SLC35F3: variants seen among roughly 807,000 people sequenced by gnomAD.
The protein encoded by SLC35F3 is putative thiamine transporter SLC35F3.
SLC35F3 carries 25 observed loss-of-function variants against 49.9 expected under a neutral mutation model. That is an observed-to-expected ratio of 0.50 (90% CI 0.37 to 0.70). SLC35F3 has a LOEUF of 0.70. Among genes scored for constraint, SLC35F3 ranks in the 30% least tolerant of loss-of-function variants. The pLI is 0.00. For synonymous variants in SLC35F3, 275 were observed against 265.4 expected, an observed-to-expected ratio of 1.04 and a Z score of -0.35; for missense variants, 525 against 639.8, an observed-to-expected ratio of 0.82 and a Z score of 1.94.
At chr1:234,017,465 G>C (rs1663820152) in intron 2 of SLC35F3, among the ~76,000 whole-genome samples, 2 of 152,014 alleles carry the variant, frequency 1.3e-5, no homozygotes, top group African/African-American at 4.8e-5. Context: ...TGTAGTCCCA[G>C]CACTTTGGGA....
chr1:234,202,507 A>G (rs1256520236), intron 2 of SLC35F3, among the ~76,000 whole-genome samples: 3 of 152,252 alleles, frequency 2.0e-5, no homozygotes, highest in Admixed American at 6.5e-5. Context: ...CACCATATCT[A>G]AATAATAATT....
chr1:233,982,994 C>T (rs554869023), intron 2 of SLC35F3, among the ~76,000 whole-genome samples: 4 of 152,266 alleles, frequency 2.6e-5, no homozygotes, highest in East Asian at 1.9e-4. Flanking sequence ...GGAGCAGGCG[C>T]GTGCCAGGTG....
chr1:234,134,183 C>T (rs1374206435), intron 2 of SLC35F3, among the ~76,000 whole-genome samples: 1 of 151,642 alleles, frequency 6.6e-6, no homozygotes, highest in Non-Finnish European at 1.5e-5. Flanking sequence ...ATTGTAGGCA[C>T]TGAAGATGTA....
intron 4 of SLC35F3, 120 bp downstream of exon 4, chr1:234,309,440 T>A: frequency 1.2e-6 from 1 of 840,782 alleles, no homozygotes; most frequent in Non-Finnish European, 1.8e-6. Context: ...ACTTTCCTTC[T>A]GATTTGCAGC....
At chr1:233,959,198 T>C (rs1459904011) in intron 2 of SLC35F3, among the ~76,000 whole-genome samples, 4 of 152,200 alleles carry the variant, frequency 2.6e-5, no homozygotes, top group Admixed American at 1.3e-4. Flanking sequence ...ACGTATAAAG[T>C]AGCGTACAGT....
At chr1:233,974,253 C>T (rs998006046) in intron 2 of SLC35F3, among the ~76,000 whole-genome samples, 1 of 137,218 alleles carries the variant, frequency 7.3e-6, no homozygotes, top group African/African-American at 2.8e-5. Context: ...GGCACAATCT[C>T]GGCTCACTGC....
intron 2 of SLC35F3, among the ~76,000 whole-genome samples, chr1:234,150,866 G>C (rs2102908396): frequency 6.6e-6 from 1 of 152,302 alleles, no homozygotes; most frequent in South Asian, 2.1e-4. Flanking sequence ...AAGCAATGAT[G>C]GACCCAGTGT....
At chr1:234,080,564 G>A (rs1243152802) in intron 2 of SLC35F3, among the ~76,000 whole-genome samples, 1 of 152,132 alleles carries the variant, frequency 6.6e-6, no homozygotes, top group Admixed American at 6.5e-5. Context: ...ATGAAGTGCT[G>A]ATGAATGCTT....
chr1:234,117,528 G>T (rs192547507), intron 2 of SLC35F3, among the ~76,000 whole-genome samples: 4 of 151,360 alleles, frequency 2.6e-5, no homozygotes, highest in Admixed American at 2.0e-4. Flanking sequence ...GGAGATGGAG[G>T]TTGCAGTGAG....
intron 2 of SLC35F3, among the ~76,000 whole-genome samples, chr1:234,177,852 T>A (rs1029932700): frequency 3.3e-5 from 5 of 152,230 alleles, no homozygotes; most frequent in African/African-American, 7.2e-5. Context: ...CAATTTGATC[T>A]TAGATAGTAC....
At chr1:234,149,187 C>G (rs1036905817) in intron 2 of SLC35F3, among the ~76,000 whole-genome samples, 9 of 152,144 alleles carry the variant, frequency 5.9e-5, no homozygotes, top group Admixed American at 6.5e-5. Context: ...GGTTCCCTCT[C>G]TGCTGTTTGA....
At chr1:233,973,333 C>T (rs1053726627) in intron 2 of SLC35F3, among the ~76,000 whole-genome samples, 26 of 152,160 alleles carry the variant, frequency 1.7e-4, no homozygotes, top group African/African-American at 3.4e-4. Flanking sequence ...ACAGATTCCC[C>T]GGGTCATTTC....
At chr1:234,151,059 A>T (rs1311554021) in intron 2 of SLC35F3, among the ~76,000 whole-genome samples, 1 of 152,202 alleles carries the variant, frequency 6.6e-6, no homozygotes, top group African/African-American at 2.4e-5. Context: ...TTCGAGCCCT[A>T]TGGACACTAG....
chr1:234,190,452 A>G (rs188497414), intron 2 of SLC35F3, among the ~76,000 whole-genome samples: 1 of 152,342 alleles, frequency 6.6e-6, no homozygotes, highest in East Asian at 1.9e-4. Context: ...CTTGAAAGCA[A>G]CAGCAGTTAA....
chr1:234,093,603 T>C (rs1665075799), intron 2 of SLC35F3, among the ~76,000 whole-genome samples: 2 of 152,370 alleles, frequency 1.3e-5, no homozygotes, highest in South Asian at 2.1e-4. Context: ...ATCAGCTTAT[T>C]TGTGGGACCA....
intron 2 of SLC35F3, among the ~76,000 whole-genome samples, chr1:233,953,971 T>A (rs946332748): frequency 6.6e-6 from 1 of 151,540 alleles, no homozygotes; most frequent in African/African-American, 2.4e-5. Flanking sequence ...TCTTCAGTGA[T>A]GGGCCGCATC....
intron 3 of SLC35F3, among the ~76,000 whole-genome samples, chr1:234,240,664 A>G (rs1243636749): frequency 6.6e-6 from 1 of 152,170 alleles, no homozygotes; most frequent in Non-Finnish European, 1.5e-5. Flanking sequence ...AGGAGGTCCT[A>G]AAATGATGAT....
Position 233,965,712 on chromosome 1 carries a change from A to G in SLC35F3, c.283+59954A>G, listed in dbSNP as rs555798182. 4.6e-5 allele frequency among the ~76,000 whole-genome samples: 7 copies of G among 152,266 alleles called. No individual in the cohort carries two copies. The South Asian group carries it at 1.0e-3, about 23-fold the overall frequency. On this transcript the variant is annotated intron_variant, in intron 2 of 7. Coordinates refer to ENST00000366618, the MANE Select transcript of SLC35F3 (RefSeq NM_173508.4). Reference sequence around the variant, plus strand: ...TTCCCCACTCCAGCCTCCAGATGAGAACACAGCCTGGTCAATACCTTGATT... The same window carrying G: ...TTCCCCACTCCAGCCTCCAGATGAGGACACAGCCTGGTCAATACCTTGATT...
At chr1:234,059,616 C>CTACACATAGACA (rs1553301510) in intron 2 of SLC35F3, among the ~76,000 whole-genome samples, 7 of 135,230 alleles carry the variant, frequency 5.2e-5, no homozygotes, top group African/African-American at 1.9e-4. Context: ...TAGACATAGA[C>CTACACATAGACA]TAGACATAGA....
Sources: gnomAD v4.1 joint callset for allele counts (sites outside exome capture counted in the v4.1 genomes callset) on GRCh38, gnomAD v4.1.1 for gene constraint, MANE v1.5 for transcripts, NCBI Gene and HGNC (gene_info 2026-07-23, HGNC 2026-07-21) for gene names.